The following TLE2 variants were observed in gnomAD, a reference collection of about 807,000 sequenced individuals.
The protein encoded by TLE2 is transducin-like enhancer protein 2.
A neutral mutation model predicts 97.2 loss-of-function variants in TLE2; 74 were observed. The observed-to-expected ratio is 0.76, with a 90% CI of 0.63 to 0.92. The LOEUF (loss-of-function observed/expected upper bound fraction) is 0.92, where lower values mean the gene tolerates loss of function less well. Among genes scored for constraint, TLE2 ranks in the 40% least tolerant of loss-of-function variants. The pLI, the probability that TLE2 is intolerant of heterozygous loss-of-function variation, is 0.00. For synonymous variants in TLE2, 499 were observed against 432.1 expected (o/e 1.15, Z -1.92); for missense variants, 1,038 against 1,008.7 (o/e 1.03, Z -0.39).
chr19:3,032,963 A>C (rs2090036894), upstream of TLE2, among the ~76,000 whole-genome samples: 1 of 148,978 alleles, frequency 6.7e-6, no homozygotes, highest in East Asian at 2.0e-4. The surrounding 1 kb of genome is among the most constrained non-coding windows in gnomAD (Gnocchi z 4.1). Flanking sequence ...TGACGGAGTC[A>C]TGCTCTGTCG....
At position 3,041,026 on chromosome 19, in the gene TLE2, T is replaced by A. The variant is rs1360747152; in HGVS notation, c.63+4700A>T. Among the ~76,000 whole-genome samples the A allele has an allele frequency of 4.5e-4, 45 of 100,220 alleles. No homozygotes were observed. The East Asian group carries it at 9.0e-3, about 20-fold the overall frequency. 65.7% of individuals were successfully genotyped at this position (100,220 alleles called of 152,430 possible). On this transcript the variant is annotated intron_variant, in intron 1 of 18. Transcript: ENST00000426948. ...ATATATATATATATTTTTTTTTTTT[T>A]TTTTTTTTTTTTTTTTTTGAGACAG...
At chr19:3,035,329 C>T (rs564413686) in intron 1 of TLE2, among the ~76,000 whole-genome samples, 1 of 152,220 alleles carries the variant, frequency 6.6e-6, no homozygotes, top group East Asian at 1.9e-4. Flanking sequence ...CGTGTTCCAA[C>T]GTGGGTAGAG....
intron 4 of TLE2, chr19:3,025,388 C>T (rs1486874093): frequency 2.0e-5 from 23 of 1,179,036 alleles, no homozygotes; most frequent in Non-Finnish European, 2.3e-5. Flanking sequence ...AGGAGGCAGA[C>T]GCTCAGACAC....
chr19:3,008,314 C>T (rs1042630225), intron 14 of TLE2, among the ~76,000 whole-genome samples: 3 of 152,186 alleles, frequency 2.0e-5, no homozygotes, highest in African/African-American at 7.2e-5. Context: ...CACTCCAGGC[C>T]AGGAACGTCT....
At chr19:3,007,807 C>G (rs73516380) in intron 14 of TLE2, among the ~76,000 whole-genome samples, 1 of 152,018 alleles carries the variant, frequency 6.6e-6, no homozygotes, top group African/African-American at 2.4e-5. Flanking sequence ...ATTTTCAGGC[C>G]GGCACAGTGG....
At chr19:3,008,157 C>T (rs538983667) in intron 14 of TLE2, among the ~76,000 whole-genome samples, 1 of 152,330 alleles carries the variant, frequency 6.6e-6, no homozygotes, top group Non-Finnish European at 1.5e-5. Context: ...CTGAAAGCCA[C>T]GCCCAGCTGG....
At position 3,012,020 on chromosome 19, in the gene TLE2, G is replaced by A. The variant is rs761464674; in HGVS notation, c.874-860C>T. On this transcript the variant is annotated intron_variant, in intron 11 of 19. Transcript: ENST00000262953. ...AGCACTTTAGGAGGCCAAGGTGGGC[G>A]GATCACCTGAGATCAGGAGATCTAG... is the stretch of plus-strand genomic sequence containing the variant. Among the ~76,000 whole-genome samples, 106 of 152,016 alleles carry A rather than the reference G, an allele frequency of 7.0e-4. 2 individuals are homozygous for A. The Middle Eastern group carries it at 0.017, about 24-fold the overall frequency.
intron 12 of TLE2, among the ~76,000 whole-genome samples, chr19:3,010,424 C>T (rs1000260471): frequency 2.0e-5 from 3 of 151,624 alleles, no homozygotes; most frequent in African/African-American, 7.3e-5. Flanking sequence ...ATCTCAGAAA[C>T]ATCCTTGAGC....
At chr19:3,007,626 G>A (rs922858623) in intron 14 of TLE2, among the ~76,000 whole-genome samples, 1 of 152,150 alleles carries the variant, frequency 6.6e-6, no homozygotes, top group African/African-American at 2.4e-5. Context: ...AATACACAGG[G>A]AGTCTAGGTT....
chr19:3,014,297 C>G (rs543509298), intron 10 of TLE2, among the ~76,000 whole-genome samples: 1 of 152,098 alleles, frequency 6.6e-6, no homozygotes, highest in Admixed American at 6.6e-5. Context: ...GTTTTATTTT[C>G]CCATTGAACA....
intron 5 of TLE2, among the ~76,000 whole-genome samples, chr19:3,023,810 T>TA (rs1897074748): frequency 6.6e-6 from 1 of 151,414 alleles, no homozygotes. Context: ...GAGAATCGCT[T>TA]GCACCCAGGA....
chr19:3,005,604 G>C lies in TLE2; in HGVS notation c.1749-20C>G. On this transcript the variant is annotated intron_variant, in intron 16 of 19. Coordinates refer to ENST00000262953, the MANE Select transcript of TLE2 (RefSeq NM_003260.5). Reference sequence around the variant, plus strand: ...AACTGCCTGGAGGGAGAAGGGCCCAGGCGTCCATCCTGGAATTCGAGCTGC... The same window carrying C: ...AACTGCCTGGAGGGAGAAGGGCCCACGCGTCCATCCTGGAATTCGAGCTGC... 6.2e-7 allele frequency: 1 copy of C among 1,612,562 alleles called. No individual in the cohort carries two copies. The highest frequency in any genetic ancestry group is 8.5e-7 in the Non-Finnish European group (1 of 1,179,282).
chr19:3,012,874 G>A (rs987563902), intron 11 of TLE2, among the ~76,000 whole-genome samples: 1 of 152,208 alleles, frequency 6.6e-6, no homozygotes, highest in African/African-American at 2.4e-5. Flanking sequence ...ACCGGCACCC[G>A]CGAGAGAGTG....
At position 3,019,727 on chromosome 19, in the gene TLE2, G is replaced by A. The variant is rs1418026252; in HGVS notation, c.341C>T (p.Thr114Ile). 1 of 1,612,826 alleles carries A rather than the reference G, an allele frequency of 6.2e-7. No homozygotes were observed. The highest frequency in any genetic ancestry group is 8.5e-7 in the Non-Finnish European group (1 of 1,179,530). Residue 114 changes from threonine to isoleucine, a missense_variant, in exon 6 of 20, where the codon ACC becomes ATC. Transcript: ENST00000262953. This position sits in a 1 kb window ranked among gnomAD's most constrained non-coding sequence, Gnocchi z 5.1. ...GATGAGGCTGTTCAGCTCCCCCACG[G>A]TGACCTGCTTGGCGCGTTCTACGGC... ...LQAVERAKQV[T>I]VGELNSLIGQ...
intron 5 of TLE2, among the ~76,000 whole-genome samples, chr19:3,022,232 T>A (rs1052044602): frequency 8.6e-5 from 13 of 151,164 alleles, no homozygotes; most frequent in East Asian, 6.0e-4. Context: ...TAAAAAAAAA[T>A]TTTTTTAGGC....
At chr19:3,022,298 G>C (rs551153046) in intron 5 of TLE2, among the ~76,000 whole-genome samples, 2 of 152,206 alleles carry the variant, frequency 1.3e-5, no homozygotes, top group East Asian at 3.9e-4. Context: ...GAGCCAGATG[G>C]ATCACCTGAG....
At position 2,998,150 on chromosome 19, in the gene TLE2, A is replaced by C. The variant is rs185446388; in HGVS notation, c.2125-195T>G. ...CAGTGGTGCGATCTTGGCTCACTGC[A>C]ACCTCCACCTCCCGGGTTCAAGACA... is the stretch of plus-strand genomic sequence containing the variant. On this transcript the variant is annotated intron_variant, in intron 19 of 19. Coordinates refer to ENST00000262953, the MANE Select transcript of TLE2 (RefSeq NM_003260.5). Among the ~76,000 whole-genome samples, 46 of 151,956 alleles carry C rather than the reference A, an allele frequency of 3.0e-4. 1 individual carries two copies. The East Asian group carries it at 5.2e-3, about 17-fold the overall frequency.
intron 12 of TLE2, 97 bp downstream of exon 12, chr19:3,010,925 C>A: frequency 6.8e-7 from 1 of 1,466,926 alleles, no homozygotes; most frequent in Non-Finnish European, 9.1e-7. Flanking sequence ...GAACACCAAG[C>A]CTGGAATCCC....
rs2089978643 is a variant in TLE2, at chr19:3,028,271, A to G, written c.186+48T>C. ...CTACCCCAGAGTCCACCGTGACTCA[A>G]AGCCCTGCCCGCCTCTCCCCTCACC... On this transcript the variant is annotated intron_variant, in intron 3 of 19. Coordinates refer to ENST00000262953, the MANE Select transcript of TLE2 (RefSeq NM_003260.5). The G allele has an allele frequency of 1.9e-6, 3 of 1,565,608 alleles. No homozygotes were observed. The Admixed American group carries it at 5.5e-5, about 29-fold the overall frequency.
Sources: allele counts gnomAD v4.1 joint callset (sites outside exome capture counted in the v4.1 genomes callset), GRCh38; gene constraint gnomAD v4.1.1; non-coding constraint Gnocchi (gnomAD v3.1); transcripts MANE v1.5; gene names NCBI Gene and HGNC (gene_info 2026-07-23, HGNC 2026-07-21).